POU6F2: variants seen among roughly 807,000 people sequenced by gnomAD.
POU6F2 encodes POU class 6 homeobox 2.
A neutral mutation model predicts 71.3 loss-of-function variants in POU6F2; 31 were observed. The observed-to-expected ratio is 0.43, with a 90% CI of 0.33 to 0.59. POU6F2 has a LOEUF of 0.59. Among genes scored for constraint, POU6F2 ranks in the 20% least tolerant of loss-of-function variants. The probability of loss-of-function intolerance (pLI) is 0.04; values close to 1 mark genes in which losing one functional copy is unlikely to be tolerated. For synonymous variants in POU6F2, 347 were observed against 355.7 expected, an observed-to-expected ratio of 0.98 and a Z score of 0.27; for missense variants, 783 against 856.8, an observed-to-expected ratio of 0.91 and a Z score of 1.07.
intron 7 of POU6F2, among the ~76,000 whole-genome samples, chr7:39,446,142 C>G (rs1374944075): frequency 6.6e-6 from 1 of 152,226 alleles, no homozygotes; most frequent in Non-Finnish European, 1.5e-5. Context: ...CTAGGGCAGG[C>G]AGGGAGGGCA....
At position 39,085,957 on chromosome 7, in the gene POU6F2, A is replaced by T. The variant is rs148998895; in HGVS notation, c.203A>T (p.Asp68Val). 6 of 1,613,626 alleles carry T rather than the reference A, an allele frequency of 3.7e-6. No homozygotes were observed. The African/African-American group carries it at 8.0e-5, about 22-fold the overall frequency. ...GGTGAGGACAAGGCTGCTACTTCAGACAGCGAGCTGAATGAGCCCCTGCTT... is the reference window on the plus strand; with the variant it reads ...GGTGAGGACAAGGCTGCTACTTCAGTCAGCGAGCTGAATGAGCCCCTGCTT... ...LRGEDKAATS[D>V]SELNEPLLAP... is the part of the protein sequence containing the mutation. The change falls in exon 2 of 10, where the codon GAC becomes GTC. Residue 68 changes from aspartate (D) to valine (V), a missense_variant. By Grantham distance (152) the Asp-to-Val change is radical. Transcript: ENST00000518318.
intron 5 of POU6F2, among the ~76,000 whole-genome samples, chr7:39,388,957 T>C (rs1787007999): frequency 6.6e-6 from 1 of 152,206 alleles, no homozygotes; most frequent in African/African-American, 2.4e-5. Context: ...TGGAATGCAA[T>C]TTTTTCTACA....
chr7:39,131,151 G>T (rs1193868206), intron 2 of POU6F2, among the ~76,000 whole-genome samples: 1 of 152,090 alleles, frequency 6.6e-6, no homozygotes, highest in Non-Finnish European at 1.5e-5. Context: ...CGATTGGCAC[G>T]GCTCAGATTC....
At chr7:39,169,204 A>T (rs999191176) in intron 2 of POU6F2, among the ~76,000 whole-genome samples, 2 of 152,238 alleles carry the variant, frequency 1.3e-5, no homozygotes, top group African/African-American at 2.4e-5. Flanking sequence ...TAGATCCAGC[A>T]TCTAACTTTA....
intron 6 of POU6F2, among the ~76,000 whole-genome samples, chr7:39,420,594 A>T (rs956348224): frequency 3.3e-5 from 5 of 152,224 alleles, no homozygotes; most frequent in African/African-American, 1.2e-4. Context: ...ATGATACTAC[A>T]AACATTGCTT....
Position 39,376,212 on chromosome 7 carries a change from G to A in POU6F2, c.973-30388G>A, listed in dbSNP as rs149668344. The stretch of plus-strand genomic sequence containing the variant: ...AAATTGGTGATTAATTTGCCTTATA[G>A]GGTCATATAAGACTCCACAGTTTAT... On this transcript the variant is annotated intron_variant, in intron 5 of 9. Coordinates refer to ENST00000518318, the MANE Select transcript of POU6F2 (RefSeq NM_001370959.1). Among the ~76,000 whole-genome samples the A allele has an allele frequency of 3.3e-3, 497 of 152,218 alleles. 3 individuals carry two copies. The highest frequency in any genetic ancestry group is 0.012 in the African/African-American group (479 of 41,510).
intron 1 of POU6F2, among the ~76,000 whole-genome samples, chr7:39,047,702 T>C (rs974933404): frequency 6.6e-6 from 1 of 151,796 alleles, no homozygotes; most frequent in African/African-American, 2.4e-5. Context: ...TAATATTTTT[T>C]CTGTAGACAT....
chr7:39,038,551 A>G (rs1461101203), intron 1 of POU6F2, among the ~76,000 whole-genome samples: 1 of 152,034 alleles, frequency 6.6e-6, no homozygotes, highest in Non-Finnish European at 1.5e-5. Flanking sequence ...TTTAGCCTTA[A>G]GGCAATTTGA....
At chr7:39,210,841 A>T (rs1794127362) in intron 4 of POU6F2, among the ~76,000 whole-genome samples, 3 of 152,204 alleles carry the variant, frequency 2.0e-5, no homozygotes, top group African/African-American at 7.2e-5. Context: ...TAGGGAGATT[A>T]TTCAAAGTTC....
intron 1 of POU6F2, among the ~76,000 whole-genome samples, chr7:38,991,918 C>A (rs1788613456): frequency 6.6e-6 from 1 of 152,004 alleles, no homozygotes; most frequent in African/African-American, 2.4e-5. Context: ...TCTCTTCTCT[C>A]TCCATACCCC....
At chr7:39,058,991 T>C (rs1038611417) in intron 1 of POU6F2, among the ~76,000 whole-genome samples, 62 of 152,158 alleles carry the variant, frequency 4.1e-4, no homozygotes, top group African/African-American at 1.4e-3. Context: ...AGAAATAGTC[T>C]CAAAGACTTG....
intron 6 of POU6F2, among the ~76,000 whole-genome samples, chr7:39,419,149 A>G (rs1787787742): frequency 7.1e-6 from 1 of 141,450 alleles, no homozygotes; most frequent in Non-Finnish European, 1.5e-5. Flanking sequence ...ATATACGTAT[A>G]TATGTGTATA....
intron 5 of POU6F2, among the ~76,000 whole-genome samples, chr7:39,378,332 G>A (rs1786750904): frequency 6.6e-6 from 1 of 152,176 alleles, no homozygotes. Flanking sequence ...TGAGGCTCCA[G>A]CACTGACCTC....
chr7:39,451,603 G>T lies in POU6F2; in HGVS notation c.1391G>T (p.Ser464Ile). The T allele has an allele frequency of 6.2e-7, 1 of 1,613,718 alleles. No individual in the cohort carries two copies. Among genetic ancestry groups the T allele is most frequent in the Non-Finnish European group, 8.5e-7 (1 of 1,179,784 alleles). The change falls in exon 8 of 10, where the codon AGC becomes ATC. Residue 464 changes from serine to isoleucine, a missense_variant. Around this residue, in one of 2 missense-constraint regions of POU6F2, gnomAD observed 572 missense variants for 572.9 expected, o/e 1.00. Coordinates refer to ENST00000518318, the MANE Select transcript of POU6F2 (RefSeq NM_001370959.1). Reference sequence around the variant, plus strand: ...GGCAACCTTCTGCACCTGGCTCACAGCCAAGCATCCATGTCTCAAAGTCCC... The same window carrying T: ...GGCAACCTTCTGCACCTGGCTCACATCCAAGCATCCATGTCTCAAAGTCCC... ...SQGNLLHLAH[S>I]QASMSQSPVR...
chr7:39,135,909 A>G lies in POU6F2; in HGVS notation c.277+49878A>G, dbSNP rs368188678. Among the ~76,000 whole-genome samples the G allele has an allele frequency of 6.6e-5, 10 of 152,364 alleles. No homozygotes were observed. The East Asian group carries it at 1.7e-3, about 26-fold the overall frequency. The stretch of plus-strand genomic sequence containing the variant: ...GCACCGCTAAATAATGTTTTGAATT[A>G]ATAAGCAAGTTCATCAAAAGTACAA... On this transcript the variant is annotated intron_variant, in intron 2 of 9. Transcript: ENST00000518318.
rs944766400 is a variant in POU6F2, at chr7:39,467,958, A to T, written c.*3272A>T. The T allele has an allele frequency of 2.0e-5, 3 of 152,318 alleles. No individual in the cohort carries two copies. Among genetic ancestry groups the T allele is most frequent in the Admixed American group, 6.5e-5 (1 of 15,306 alleles). The allele number at this position is 152,318 out of a possible 1,614,324, so 9.4% of individuals were successfully genotyped here. ...TACTAAACTGTTCCTATTTTAAGAA[A>T]AAAAAAAGAAATACAAACTGTTCAT... On this transcript the variant is annotated 3_prime_UTR_variant, in exon 10 of 10. Transcript: ENST00000518318.
intron 1 of POU6F2, among the ~76,000 whole-genome samples, chr7:39,010,371 C>G (rs1366900239): frequency 6.8e-6 from 1 of 147,782 alleles, no homozygotes; most frequent in African/African-American, 2.5e-5. Context: ...GTGGTGATAT[C>G]CCCTTTATCA....
At chr7:39,101,197 C>T (rs1400726489) in intron 2 of POU6F2, among the ~76,000 whole-genome samples, 1 of 151,644 alleles carries the variant, frequency 6.6e-6, no homozygotes, top group Non-Finnish European at 1.5e-5. Flanking sequence ...CCTCAGCCTC[C>T]TGAGTAGCTG....
intron 1 of POU6F2, among the ~76,000 whole-genome samples, chr7:38,978,500 C>T (rs1313635180): frequency 6.6e-6 from 1 of 152,156 alleles, no homozygotes; most frequent in Non-Finnish European, 1.5e-5. Context: ...CTCCCTCTCT[C>T]CCTTTCTCCA....
Sources: gnomAD v4.1 joint callset for allele counts (sites outside exome capture counted in the v4.1 genomes callset) on GRCh38, gnomAD v4.1.1 for gene constraint, gnomAD v4.1.1 regional missense constraint, MANE v1.5 for transcripts, NCBI Gene and HGNC (gene_info 2026-07-23, HGNC 2026-07-21) for gene names.